CLTB: variants seen among roughly 807,000 people sequenced by gnomAD.
CLTB encodes clathrin light chain B.
In CLTB, 10 loss-of-function variants were observed where a neutral mutation model predicts 30.5. The observed-to-expected ratio is 0.33, with a 90% CI of 0.20 to 0.56. The LOEUF is 0.56. Ranked by LOEUF, CLTB falls within the 20% of genes least tolerant of loss-of-function variation. CLTB has a pLI of 0.91. For synonymous variants in CLTB, 102 were observed against 120.3 expected (o/e 0.85, Z 1.00); for missense variants, 261 against 308.3 (o/e 0.85, Z 1.15).
At chr5:176,402,921 G>C (rs1040973236) in intron 2 of CLTB, among the ~76,000 whole-genome samples, 1 of 152,216 alleles carries the variant, frequency 6.6e-6, no homozygotes, top group Non-Finnish European at 1.5e-5. Flanking sequence ...CGTGGGCCTG[G>C]AGCCTTTGGG....
chr5:176,396,348 T>C (rs1756519365), intron 5 of CLTB, 131 bp downstream of exon 5: 1 of 833,174 alleles, frequency 1.2e-6, no homozygotes, highest in Non-Finnish European at 2.1e-6. Flanking sequence ...ACCAGGGCAT[T>C]TGCCTCCTGT....
chr5:176,406,514 G>A (rs1192916011), intron 2 of CLTB: 1 of 1,246,306 alleles, frequency 8.0e-7, no homozygotes, highest in Middle Eastern at 2.2e-4. Context: ...CCTCTAAGAA[G>A]CTAAAAGGAG....
chr5:176,415,882 C>A (rs1757666873), intron 1 of CLTB, among the ~76,000 whole-genome samples: 1 of 152,190 alleles, frequency 6.6e-6, no homozygotes, highest in Non-Finnish European at 1.5e-5. Flanking sequence ...AGGAGGGACT[C>A]TCAAAACTGA....
chr5:176,405,910 T>C (rs777583154), intron 2 of CLTB: 2 of 151,810 alleles, frequency 1.3e-5, no homozygotes, highest in Admixed American at 6.6e-5. Context: ...ATAGAGGGCG[T>C]GTGCGTATGA....
rs191377512 is a variant in CLTB at position 176,394,535 on chromosome 5, T to A, written c.519-1590A>T. Among the ~76,000 whole-genome samples the A allele has an allele frequency of 1.7e-3, 257 of 151,754 alleles. 1 individual carries two copies. Among genetic ancestry groups the A allele is most frequent in the Middle Eastern group, 6.8e-3 (2 of 294 alleles). On this transcript the variant is annotated intron_variant, in intron 5 of 5. Transcript: ENST00000310418. ...AAAAATACAAAAAATTAGCTGGGTG[T>A]GGCCAGGCGCGGTGGCTCATGCCTG...
intron 2 of CLTB, among the ~76,000 whole-genome samples, chr5:176,408,589 T>C (rs919429358): frequency 6.6e-6 from 1 of 151,196 alleles, no homozygotes; most frequent in East Asian, 1.9e-4. Context: ...AGTGTAATCA[T>C]AGTCACTGCA....
At chr5:176,394,029 A>G (rs1047336252) in intron 5 of CLTB, among the ~76,000 whole-genome samples, 7 of 152,182 alleles carry the variant, frequency 4.6e-5, no homozygotes, top group African/African-American at 1.7e-4. Flanking sequence ...GCCCCTCTCT[A>G]GGGATGCTGG....
At position 176,416,517 on chromosome 5, in the gene CLTB, A is replaced by C; in HGVS notation, c.-154T>G. 3 of 431,204 alleles carry C rather than the reference A, an allele frequency of 7.0e-6. No individual in the cohort carries two copies. Among genetic ancestry groups the C allele is most frequent in the Non-Finnish European group, 6.8e-6 (2 of 293,994 alleles). 26.7% of individuals were successfully genotyped at this position (431,204 alleles called of 1,614,324 possible). A position where few individuals can be genotyped will look rare whatever the true frequency, so the allele number is the denominator to read the frequency against. The stretch of plus-strand genomic sequence containing the variant: ...GCGCGGACCGCACTTCCTCTCCGCC[A>C]CCGGGCCCGGCTGGCTGTCACTGCG... On this transcript the variant is annotated 5_prime_UTR_variant, in exon 1 of 6. Transcript: ENST00000310418.
In CLTB at chr5:176,393,587, C is replaced by T. The variant is rs112365133; in HGVS notation, c.519-642G>A. Among the ~76,000 whole-genome samples the T allele has an allele frequency of 0.022, 3,330 of 152,280 alleles. 59 individuals carry two copies. Among genetic ancestry groups the T allele is most frequent in the Non-Finnish European group, 0.033 (2,249 of 68,014 alleles). On this transcript the variant is annotated intron_variant, in intron 5 of 5. Transcript: ENST00000310418. This position sits in a 1 kb window ranked among gnomAD's most constrained non-coding sequence, Gnocchi z 4.4. ...GGTGTGTATGTGATGGAATCCACCA[C>T]ATCCCAAGCGTCTTTCACCACAGAG...
At chr5:176,396,937 C>T (rs973602359) in intron 4 of CLTB, among the ~76,000 whole-genome samples, 1 of 152,032 alleles carries the variant, frequency 6.6e-6, no homozygotes, top group African/African-American at 2.4e-5. Flanking sequence ...TCTAGAATGC[C>T]CCCCTACCTC....
chr5:176,412,131 C>A (rs4868634), intron 1 of CLTB, among the ~76,000 whole-genome samples: 41 of 148,992 alleles, frequency 2.8e-4, no homozygotes, highest in Middle Eastern at 3.4e-3. Flanking sequence ...AGCCGAGATC[C>A]CGCCACTGCA....
chr5:176,405,126 C>T (rs952264981), intron 2 of CLTB, among the ~76,000 whole-genome samples: 1 of 152,126 alleles, frequency 6.6e-6, no homozygotes, highest in Non-Finnish European at 1.5e-5. Flanking sequence ...CTAATGCTTC[C>T]CCAAAGCCAA....
In CLTB at chr5:176,415,504, G is replaced by C. The variant is rs147740001; in HGVS notation, c.187+673C>G. Among the ~76,000 whole-genome samples the C allele has an allele frequency of 1.5e-4, 23 of 152,172 alleles. No individual in the cohort carries two copies. In the East Asian group the frequency reaches 4.4e-3, roughly 29 times the overall value. ...TCAAGACCAGTCTGGGCAACATAGC[G>C]AGACCCCATCTCAAAAAAAGGAAAA... On this transcript the variant is annotated intron_variant, in intron 1 of 5. Coordinates refer to ENST00000310418, the MANE Select transcript of CLTB (RefSeq NM_007097.5).
At chr5:176,406,067 T>C in intron 2 of CLTB, 1 of 781,966 alleles carries the variant, frequency 1.3e-6, no homozygotes, top group Non-Finnish European at 1.6e-6. Context: ...ATTTCCGGGC[T>C]GCTCAGAACT....
intron 1 of CLTB, among the ~76,000 whole-genome samples, chr5:176,413,749 GAGA>G (rs1267574244): frequency 1.3e-5 from 2 of 152,202 alleles, no homozygotes; most frequent in Admixed American, 6.5e-5. Context: ...TGCATAGGCT[GAGA>G]AGGTCAGATC....
At chr5:176,394,740 A>G (rs959295742) in intron 5 of CLTB, among the ~76,000 whole-genome samples, 4 of 152,080 alleles carry the variant, frequency 2.6e-5, no homozygotes, top group Middle Eastern at 3.2e-3. Context: ...GCTTGAGCCC[A>G]GGAGGCGGAG....
Position 176,392,631 on chromosome 5 carries a change from CCCCCCTCCCAGCGCCTGGAGAT to C in CLTB, c.*121_*142del. 1.1e-6 allele frequency: 1 copy of C among 933,992 alleles called. No individual in the cohort carries two copies. Among genetic ancestry groups the C allele is most frequent in the Non-Finnish European group, 1.6e-6 (1 of 622,848 alleles). The allele number at this position is 933,992 out of a possible 1,614,324, so 57.9% of individuals were successfully genotyped here. On this transcript the variant is annotated 3_prime_UTR_variant, in exon 6 of 6. Transcript: ENST00000310418. The surrounding 1 kb of genome is among the most constrained non-coding windows in gnomAD (Gnocchi z 5.2). ...GGAGCGAGGCGTGATGGGGTGAGGG[CCCCCCTCCCAGCGCCTGGAGAT>C]GGGGAGGAGTGGAATAGGCTGTGGG...
chr5:176,392,694 G>T lies in CLTB; in HGVS notation c.*80C>A. ...AGGCTGTGGGTAGCAGCTGCTGCGA[G>T]TCTCCACCCCGACCAAAGCAGCTGC... On this transcript the variant is annotated 3_prime_UTR_variant, in exon 6 of 6. Transcript: ENST00000310418. This position sits in a 1 kb window ranked among gnomAD's most constrained non-coding sequence, Gnocchi z 5.2. The T allele has an allele frequency of 6.6e-7, 1 of 1,516,844 alleles. No homozygotes were observed. Among genetic ancestry groups the T allele is most frequent in the Non-Finnish European group, 9.0e-7 (1 of 1,105,632 alleles). 94.0% of individuals were successfully genotyped at this position (1,516,844 alleles called of 1,614,324 possible).
rs1756342416 is a variant in CLTB at position 176,393,323 on chromosome 5, G to A, written c.519-378C>T. Among the ~76,000 whole-genome samples the A allele has an allele frequency of 6.6e-6, 1 of 152,090 alleles. No homozygotes were observed. Among genetic ancestry groups the A allele is most frequent in the African/African-American group, 2.4e-5 (1 of 41,424 alleles). ...TTCCTGACACCTAAAGACCCTTGGAGGTCCTAGGACGACCTAATGCAGGAC... is the reference window on the plus strand; with the variant it reads ...TTCCTGACACCTAAAGACCCTTGGAAGTCCTAGGACGACCTAATGCAGGAC... On this transcript the variant is annotated intron_variant, in intron 5 of 5. Transcript: ENST00000310418. The surrounding 1 kb of genome is among the most constrained non-coding windows in gnomAD (Gnocchi z 4.4).
Sources: gnomAD v4.1 joint callset for allele counts (sites outside exome capture counted in the v4.1 genomes callset) on GRCh38, gnomAD v4.1.1 for gene constraint, Gnocchi (gnomAD v3.1) non-coding constraint, MANE v1.5 for transcripts, NCBI Gene and HGNC (gene_info 2026-07-23, HGNC 2026-07-21) for gene names.